Variants in LUZP2 observed in about 807,000 individuals in gnomAD.
LUZP2 encodes the protein leucine zipper protein 2.
A neutral mutation model predicts 51.6 loss-of-function variants in LUZP2; 52 were observed. The ratio of observed to expected loss-of-function variants is 1.01; its 90% CI spans 0.81 to 1.27. LUZP2 has a LOEUF of 1.27. Among genes scored for constraint, LUZP2 ranks in the 50% most tolerant of loss-of-function variants. The pLI is 0.00. For missense variants in LUZP2, 436 were observed against 395.4 expected, an observed-to-expected ratio of 1.10 and a Z score of -0.87; for synonymous variants, 154 against 137.3, an observed-to-expected ratio of 1.12 and a Z score of -0.85.
At chr11:24,861,400 T>C (rs1402259135) in intron 5 of LUZP2, among the ~76,000 whole-genome samples, 1 of 152,072 alleles carries the variant, frequency 6.6e-6, no homozygotes, top group African/African-American at 2.4e-5. Context: ...TGTAAGGAAA[T>C]GTAAGAATGC....
intron 1 of LUZP2, among the ~76,000 whole-genome samples, chr11:24,631,318 A>G (rs1242887281): frequency 6.6e-6 from 1 of 151,082 alleles, no homozygotes; most frequent in African/African-American, 2.4e-5. Context: ...TGTTGGCTAT[A>G]GGTTTGTTGT....
intron 5 of LUZP2, among the ~76,000 whole-genome samples, chr11:24,888,505 A>C (rs1852742250): frequency 6.6e-6 from 1 of 152,078 alleles, no homozygotes; most frequent in Non-Finnish European, 1.5e-5. Context: ...TGAGGATATA[A>C]TTATATTAAA....
intron 4 of LUZP2, 25 bp downstream of exon 4, chr11:24,738,327 T>A: frequency 6.5e-7 from 1 of 1,546,276 alleles, no homozygotes; most frequent in Non-Finnish European, 8.9e-7. Context: ...TCTTTGTGCC[T>A]TTTGCTTTTG....
chr11:25,063,344 T>C (rs1858903766), intron 10 of LUZP2, among the ~76,000 whole-genome samples: 1 of 151,558 alleles, frequency 6.6e-6, no homozygotes, highest in African/African-American at 2.4e-5. Flanking sequence ...CTCCAGCTGA[T>C]ATTGAGGGAT....
chr11:24,500,254 A>C (rs139942870), intron 1 of LUZP2, among the ~76,000 whole-genome samples: 1,583 of 152,298 alleles, frequency 0.01, 31 homozygotes, highest in African/African-American at 0.036. Context: ...ACGAACAAAG[A>C]AAAAGAGCTG....
chr11:24,649,992 C>G (rs950554694), intron 1 of LUZP2, among the ~76,000 whole-genome samples: 3 of 151,476 alleles, frequency 2.0e-5, no homozygotes, highest in African/African-American at 7.3e-5. Context: ...CACACACACA[C>G]ACACACACAC....
At chr11:24,928,090 G>T (rs1294892710) in intron 7 of LUZP2, among the ~76,000 whole-genome samples, 6 of 151,990 alleles carry the variant, frequency 3.9e-5, no homozygotes, top group Non-Finnish European at 1.5e-5. Context: ...CATTTATTTT[G>T]TATCCTGAAA....
At chr11:24,985,098 A>G (rs925462995) in intron 9 of LUZP2, among the ~76,000 whole-genome samples, 17 of 151,868 alleles carry the variant, frequency 1.1e-4, no homozygotes, top group African/African-American at 4.1e-4. Context: ...GAATTTAGAA[A>G]ATTATACATT....
chr11:24,788,150 G>A (rs919772446), intron 5 of LUZP2, among the ~76,000 whole-genome samples: 1 of 144,220 alleles, frequency 6.9e-6, no homozygotes, highest in Non-Finnish European at 1.5e-5. Flanking sequence ...TTCTTTCACT[G>A]TAACAGATGC....
At chr11:24,738,817 G>A (rs549659795) in intron 4 of LUZP2, among the ~76,000 whole-genome samples, 15 of 152,110 alleles carry the variant, frequency 9.9e-5, no homozygotes, top group African/African-American at 3.4e-4. Flanking sequence ...TTTCTCACCC[G>A]AAATGATGTT....
chr11:24,917,926 A>T (rs1276605971), intron 7 of LUZP2, among the ~76,000 whole-genome samples: 3 of 152,128 alleles, frequency 2.0e-5, no homozygotes, highest in Non-Finnish European at 2.9e-5. Context: ...TACCTTGGGC[A>T]GTATGGCCAT....
intron 9 of LUZP2, among the ~76,000 whole-genome samples, chr11:24,991,442 C>T (rs1448591423): frequency 3.5e-5 from 5 of 141,842 alleles, no homozygotes; most frequent in African/African-American, 1.0e-4. Context: ...ATACATATAT[C>T]TCTCACAGTT....
intron 1 of LUZP2, among the ~76,000 whole-genome samples, chr11:24,704,525 T>C (rs959704362): frequency 5.9e-5 from 9 of 151,780 alleles, no homozygotes; most frequent in Non-Finnish European, 7.4e-5. Context: ...ATTAATTAGT[T>C]TGCACTGACA....
intron 5 of LUZP2, among the ~76,000 whole-genome samples, chr11:24,850,070 G>T (rs149489322): frequency 6.6e-6 from 1 of 152,092 alleles, no homozygotes; most frequent in Non-Finnish European, 1.5e-5. Context: ...CCATTCTGTA[G>T]GTTGCCTGTT....
Position 24,646,567 on chromosome 11 carries a change from A to T in LUZP2, c.63-82602A>T, listed in dbSNP as rs1169448404. On this transcript the variant is annotated intron_variant, in intron 1 of 11. Coordinates refer to ENST00000336930, the MANE Select transcript of LUZP2 (RefSeq NM_001009909.4). Reference sequence around the variant, plus strand: ...TTGCAAGATGACTGCTTCTGCTGGAACCTCCATATCCATATTCAAGGAAGA... The same window carrying T: ...TTGCAAGATGACTGCTTCTGCTGGATCCTCCATATCCATATTCAAGGAAGA... The T allele has an allele frequency of 5.1e-6, 5 of 983,238 alleles. No individual in the cohort carries two copies. The African/African-American group carries it at 8.8e-5, about 17-fold the overall frequency. 60.9% of individuals were successfully genotyped at this position (983,238 alleles called of 1,614,324 possible).
intron 4 of LUZP2, among the ~76,000 whole-genome samples, chr11:24,747,873 C>G (rs139836305): frequency 3.3e-5 from 5 of 152,080 alleles, no homozygotes; most frequent in Non-Finnish European, 7.4e-5. Context: ...CCAGCTTCCA[C>G]GCAATCTGAA....
chr11:24,732,655 T>C (rs746825459), intron 3 of LUZP2, among the ~76,000 whole-genome samples: 3 of 151,750 alleles, frequency 2.0e-5, no homozygotes, highest in Non-Finnish European at 4.4e-5. Flanking sequence ...AGTATTGGTT[T>C]GCTTATTTTT....
chr11:24,951,191 C>T (rs929241450), intron 7 of LUZP2, among the ~76,000 whole-genome samples: 2 of 151,492 alleles, frequency 1.3e-5, no homozygotes, highest in Non-Finnish European at 3.0e-5. Flanking sequence ...TGTATGGGTA[C>T]CAACTGCCAA....
rs534552966 is a variant in LUZP2 at position 24,888,672 on chromosome 11, T to G, written c.397-17319T>G. Reference sequence around the variant, plus strand: ...AGCTAACCAACACCTGAACACCATTTGATATTGTTAGGCTTTGTGTCCCCC... The same window carrying G: ...AGCTAACCAACACCTGAACACCATTGGATATTGTTAGGCTTTGTGTCCCCC... On this transcript the variant is annotated intron_variant, in intron 5 of 11. Transcript: ENST00000336930. Among the ~76,000 whole-genome samples, 8 of 152,256 alleles carry G rather than the reference T, an allele frequency of 5.3e-5. No homozygotes were observed. The South Asian group carries it at 1.7e-3, about 32-fold the overall frequency.
Sources: gnomAD v4.1 joint callset for allele counts (sites outside exome capture counted in the v4.1 genomes callset) on GRCh38, gnomAD v4.1.1 for gene constraint, MANE v1.5 for transcripts, NCBI Gene and HGNC (gene_info 2026-07-23, HGNC 2026-07-21) for gene names.